Variants in CTNNA3 observed in about 807,000 individuals in gnomAD.
The protein encoded by CTNNA3 is catenin alpha 3, also known as catenin alpha-3.
CTNNA3 carries 76 observed loss-of-function variants against 95.7 expected under a neutral mutation model. The ratio of observed to expected loss-of-function variants is 0.79; its 90% CI spans 0.66 to 0.96. CTNNA3 has a LOEUF of 0.96. CTNNA3 is among the 40% of genes least tolerant of loss of function. The pLI is 0.00. For missense variants in CTNNA3, 1,191 were observed against 1,089.8 expected, an observed-to-expected ratio of 1.09 and a Z score of -1.31; for synonymous variants, 431 against 374.4, an observed-to-expected ratio of 1.15 and a Z score of -1.74.
chr10:66,860,000 ACT>A (rs1843848140), intron 7 of CTNNA3, among the ~76,000 whole-genome samples: 1 of 111,462 alleles, frequency 9.0e-6, no homozygotes, highest in Admixed American at 1.1e-4. Flanking sequence ...GGAACATCAC[ACT>A]CTGGGGACTG....
In CTNNA3 at chr10:66,361,148, T is replaced by C. The variant is rs200513639; in HGVS notation, c.1732+18004A>G. 3.0e-4 allele frequency among the ~76,000 whole-genome samples: 46 copies of C among 151,018 alleles called. No homozygotes were observed. In the East Asian group the frequency reaches 9.0e-3, roughly 30 times the overall value. Reference sequence around the variant, plus strand: ...AATTTTGAATTTTTTGTTTTTTTTTTAGTAGAAGTGAGGTCTCACTATGCT... The same window carrying C: ...AATTTTGAATTTTTTGTTTTTTTTTCAGTAGAAGTGAGGTCTCACTATGCT... On this transcript the variant is annotated intron_variant, in intron 12 of 17. Transcript: ENST00000433211.
intron 2 of CTNNA3, 151 bp from the exon 3 acceptor site, chr10:67,607,200 G>A: frequency 1.7e-6 from 1 of 587,948 alleles, no homozygotes; most frequent in Non-Finnish European, 3.0e-6. Flanking sequence ...TTGAAAATCT[G>A]AGTATAACTT....
intron 5 of CTNNA3, among the ~76,000 whole-genome samples, chr10:67,237,817 T>A (rs1179474937): frequency 1.3e-5 from 2 of 152,142 alleles, no homozygotes; most frequent in African/African-American, 4.8e-5. Context: ...TTTACAAAGA[T>A]TGCTCTGGCA....
In CTNNA3 at chr10:67,586,933, C is replaced by T. The variant is rs545491056; in HGVS notation, c.292+19924G>A. ...ATTCTGTAGTGGTTCCATTTGATTT[C>T]TTTCTCTTCCTCCTTTGTGAGCTTG... is the stretch of plus-strand genomic sequence containing the variant. On this transcript the variant is annotated intron_variant, in intron 3 of 17. Coordinates refer to ENST00000433211, the MANE Select transcript of CTNNA3 (RefSeq NM_013266.4). Among the ~76,000 whole-genome samples, 3 of 152,084 alleles carry T rather than the reference C, an allele frequency of 2.0e-5. No individual in the cohort carries two copies. The East Asian group carries it at 5.8e-4, about 29-fold the overall frequency.
rs370500770 is a variant in CTNNA3 at position 66,787,380 on chromosome 10, C to T, written c.1048-11856G>A. Among the ~76,000 whole-genome samples, 58 of 152,030 alleles carry T rather than the reference C, an allele frequency of 3.8e-4. 1 individual carries two copies. The South Asian group carries it at 0.01, about 27-fold the overall frequency. On this transcript the variant is annotated intron_variant, in intron 7 of 17. Transcript: ENST00000433211. ...AGAAAATATTATTAGAGTAATACCC[C>T]CTGGTTCGCTGGTCTGTCTGGGTAG...
intron 11 of CTNNA3, among the ~76,000 whole-genome samples, chr10:66,428,921 G>A (rs1251257058): frequency 2.8e-4 from 43 of 151,902 alleles, no homozygotes; most frequent in Non-Finnish European, 5.7e-4. Flanking sequence ...AACTGAAGGA[G>A]ATAGAGACAC....
At chr10:65,986,023 T>C (rs563269176) in intron 16 of CTNNA3, among the ~76,000 whole-genome samples, 1 of 151,724 alleles carries the variant, frequency 6.6e-6, no homozygotes, top group East Asian at 1.9e-4. Context: ...ACTCATTAAA[T>C]ATATTCTTAT....
rs1479107216 is a variant in CTNNA3 at position 66,520,718 on chromosome 10, T to C, written c.1430A>G (p.Asn477Ser). The C allele has an allele frequency of 6.2e-7, 1 of 1,612,356 alleles. No homozygotes were observed. The highest frequency in any genetic ancestry group is 1.1e-5 in the South Asian group (1 of 90,928). ...TGTACGCTTGTACATTTCCATGGTG[T>C]TTTTGACCGCTTGACTTTTGGGTCT... ...AARPKSQAVK[N>S]TMEMYKRTWE... The change falls in exon 11 of 18, where the codon AAC (asparagine) becomes AGC (serine). Residue 477 changes from asparagine (N) to serine (S), a missense_variant. By Grantham distance (46) the Asn-to-Ser change is conservative. Coordinates refer to ENST00000433211, the MANE Select transcript of CTNNA3 (RefSeq NM_013266.4).
chr10:67,235,069 G>A (rs1249096628), intron 5 of CTNNA3, among the ~76,000 whole-genome samples: 13 of 151,508 alleles, frequency 8.6e-5, no homozygotes, highest in Non-Finnish European at 1.6e-4. Flanking sequence ...AATCAATATC[G>A]TGAAAATGGC....
At chr10:67,330,120 G>A (rs1841720545) in intron 5 of CTNNA3, among the ~76,000 whole-genome samples, 1 of 152,192 alleles carries the variant, frequency 6.6e-6, no homozygotes, top group Non-Finnish European at 1.5e-5. Context: ...CATAATTACA[G>A]CTGCAAGGGA....
intron 14 of CTNNA3, chr10:66,098,812 G>A (rs569117798): frequency 3.9e-4 from 60 of 152,238 alleles, no homozygotes; most frequent in African/African-American, 1.4e-3. Context: ...ACCACGTATT[G>A]GTCCAGTGAG....
chr10:66,477,411 G>C (rs964374985), intron 11 of CTNNA3, among the ~76,000 whole-genome samples: 1 of 152,056 alleles, frequency 6.6e-6, no homozygotes, highest in African/African-American at 2.4e-5. Flanking sequence ...ATCTGGCTTA[G>C]AGGAAGTAAA....
At chr10:67,481,907 T>C (rs1848246979) in intron 5 of CTNNA3, among the ~76,000 whole-genome samples, 1 of 151,942 alleles carries the variant, frequency 6.6e-6, no homozygotes, top group Admixed American at 6.6e-5. Context: ...CTTTAATCCA[T>C]CGTGAATTGA....
intron 5 of CTNNA3, among the ~76,000 whole-genome samples, chr10:67,385,920 C>A (rs533807559): frequency 1.3e-5 from 2 of 151,444 alleles, no homozygotes; most frequent in Non-Finnish European, 2.9e-5. Flanking sequence ...AGCCTGTGCA[C>A]GGGAGCTTTA....
Position 67,209,440 on chromosome 10 carries a change from C to A in CTNNA3, c.843+10167G>T, listed in dbSNP as rs564374045. 1.1e-4 allele frequency among the ~76,000 whole-genome samples: 17 copies of A among 152,204 alleles called. No individual in the cohort carries two copies. The East Asian group carries it at 2.1e-3, about 19-fold the overall frequency. Reference sequence around the variant, plus strand: ...TGTAATGTGAAAGACTTCAACTAACCTCTCTCAAACAGGTGAAACAGAAAA... The same window carrying A: ...TGTAATGTGAAAGACTTCAACTAACATCTCTCAAACAGGTGAAACAGAAAA... On this transcript the variant is annotated intron_variant, in intron 6 of 17. Coordinates refer to ENST00000433211, the MANE Select transcript of CTNNA3 (RefSeq NM_013266.4).
At chr10:67,524,080 G>T (rs113923825) in intron 4 of CTNNA3, among the ~76,000 whole-genome samples, 3 of 152,180 alleles carry the variant, frequency 2.0e-5, no homozygotes, top group African/African-American at 7.2e-5. Context: ...AACTCCAAAT[G>T]GGAACTTTAG....
chr10:67,497,675 A>G (rs1256579419), intron 5 of CTNNA3, among the ~76,000 whole-genome samples: 1 of 152,166 alleles, frequency 6.6e-6, no homozygotes, highest in Non-Finnish European at 1.5e-5. Flanking sequence ...GCACTTCTCT[A>G]ATGACCACTG....
intron 5 of CTNNA3, among the ~76,000 whole-genome samples, chr10:67,350,876 C>CA (rs67407899): frequency 3.2e-4 from 46 of 145,560 alleles, no homozygotes; most frequent in African/African-American, 1.1e-3. Context: ...TCTATTCATA[C>CA]AAAAAAAAAA....
At chr10:66,345,682 T>A (rs1042335069) in intron 12 of CTNNA3, among the ~76,000 whole-genome samples, 5 of 152,128 alleles carry the variant, frequency 3.3e-5, no homozygotes, top group African/African-American at 1.2e-4. Context: ...GAATTCTTCA[T>A]GATATAGCAA....
Sources: allele counts gnomAD v4.1 joint callset (sites outside exome capture counted in the v4.1 genomes callset), GRCh38; gene constraint gnomAD v4.1.1; transcripts MANE v1.5; gene names NCBI Gene and HGNC (gene_info 2026-07-23, HGNC 2026-07-21).